USP47: variants seen among roughly 807,000 people sequenced by gnomAD.
USP47 encodes ubiquitin specific peptidase 47.
In USP47, 35 loss-of-function variants were observed where a neutral mutation model predicts 165.1. The observed-to-expected ratio is 0.21, with a 90% CI of 0.16 to 0.28. The LOEUF is 0.28. Ranked by LOEUF, USP47 falls within the 10% of genes least tolerant of loss-of-function variation. USP47 has a pLI of 1.00. For missense variants in USP47, 1,277 were observed against 1,607.4 expected (o/e 0.79, Z 3.52); for synonymous variants, 531 against 544.5 (o/e 0.98, Z 0.35).
intron 21 of USP47, 27 bp downstream of exon 21, chr11:11,948,147 TAG>T (rs1353344182): frequency 1.9e-6 from 3 of 1,587,234 alleles, no homozygotes; most frequent in Non-Finnish European, 2.6e-6. Context: ...TTCGAGTAGT[TAG>T]AGTCTATTTT....
chr11:11,942,648 G>A lies in USP47; in HGVS notation c.2627G>A (p.Ser876Asn), dbSNP rs1855556883. ...CAGCAGGATGGAGATAATGGGGACAGCAGCAAAAGTACTGAGACAAGTGAC... is the reference window on the plus strand; with the variant it reads ...CAGCAGGATGGAGATAATGGGGACAACAGCAAAAGTACTGAGACAAGTGAC... ...QQQQDGDNGD[S>N]SKSTETSDFE... Residue 876 changes from serine to asparagine, a missense_variant, in exon 20 of 28, where the codon AGC becomes AAC. Ser to Asn is a conservative substitution (Grantham distance 46). Transcript: ENST00000527733. The A allele has an allele frequency of 6.2e-7, 1 of 1,613,464 alleles. No homozygotes were observed. The highest frequency in any genetic ancestry group is 8.5e-7 in the Non-Finnish European group (1 of 1,179,780).
At chr11:11,903,793 G>A (rs931035022) in intron 7 of USP47, among the ~76,000 whole-genome samples, 4 of 152,094 alleles carry the variant, frequency 2.6e-5, no homozygotes, top group Admixed American at 1.3e-4. Context: ...AATCTAACCC[G>A]ATTCTTATGT....
At chr11:11,927,646 A>G (rs539427784) in intron 11 of USP47, among the ~76,000 whole-genome samples, 4 of 152,218 alleles carry the variant, frequency 2.6e-5, no homozygotes, top group African/African-American at 9.6e-5. Context: ...TTTTGGAGGA[A>G]TTTGGACTAG....
chr11:11,931,129 T>G (rs1320747470), intron 14 of USP47, among the ~76,000 whole-genome samples: 3 of 152,228 alleles, frequency 2.0e-5, no homozygotes, highest in Non-Finnish European at 4.4e-5. Flanking sequence ...TCTAGGGGGG[T>G]GTGTACAGAT....
chr11:11,849,721 C>T (rs750866004), intron 1 of USP47, among the ~76,000 whole-genome samples: 2 of 152,140 alleles, frequency 1.3e-5, no homozygotes, highest in Non-Finnish European at 2.9e-5. Flanking sequence ...TCAGTTCTGT[C>T]TTGTTTTGGA....
intron 8 of USP47, among the ~76,000 whole-genome samples, chr11:11,909,376 A>T (rs1352413147): frequency 6.6e-6 from 1 of 152,190 alleles, no homozygotes; most frequent in African/African-American, 2.4e-5. Flanking sequence ...TGCCAACCCC[A>T]TGTGAGAATG....
intron 17 of USP47, 135 bp downstream of exon 17, chr11:11,936,645 GAGAAGTACTCAGCAACAGCTTGGAATTA>G: frequency 1.5e-6 from 1 of 682,030 alleles, no homozygotes; most frequent in Non-Finnish European, 2.2e-6. Flanking sequence ...TTGACAGGTT[GAGAAGTACTCAGCAACAGCTTGGAATTA>G]AGTTCTAGAT....
At chr11:11,871,676 C>T (rs1032325123) in intron 1 of USP47, among the ~76,000 whole-genome samples, 1 of 152,024 alleles carries the variant, frequency 6.6e-6, no homozygotes, top group Non-Finnish European at 1.5e-5. Flanking sequence ...CACTGTAGGT[C>T]CCTTGGAGCT....
intron 2 of USP47, 78 bp downstream of exon 2, chr11:11,880,458 C>A: frequency 8.9e-7 from 1 of 1,122,156 alleles, no homozygotes; most frequent in Non-Finnish European, 1.1e-6. Flanking sequence ...ATGTTAAATC[C>A]TGGAACTCTT....
rs11022067 is a variant in USP47 at position 11,856,257 on chromosome 11, T to A, written c.39+14033T>A. ...TCAACAGATTTGTTTACAATTGTTA[T>A]AAAATTTAGTTGCTGAAACTTGTTC... On this transcript the variant is annotated intron_variant, in intron 1 of 27. Transcript: ENST00000527733. Among the ~76,000 whole-genome samples the A allele has an allele frequency of 2.7e-3, 413 of 152,348 alleles. 1 individual carries two copies. The highest frequency in any genetic ancestry group is 9.3e-3 in the African/African-American group (386 of 41,574).
chr11:11,887,942 A>T (rs933693720), intron 3 of USP47, among the ~76,000 whole-genome samples: 17 of 152,200 alleles, frequency 1.1e-4, no homozygotes, highest in African/African-American at 3.9e-4. Context: ...ACAAAATTGA[A>T]CAACCTGCTC....
intron 8 of USP47, among the ~76,000 whole-genome samples, chr11:11,909,057 A>G (rs1163063875): frequency 6.6e-6 from 1 of 152,158 alleles, no homozygotes; most frequent in Non-Finnish European, 1.5e-5. Context: ...ACATCTGTTA[A>G]TATCTCAAGA....
intron 8 of USP47, among the ~76,000 whole-genome samples, chr11:11,916,875 C>T (rs943791900): frequency 6.6e-6 from 1 of 151,878 alleles, no homozygotes; most frequent in Non-Finnish European, 1.5e-5. Flanking sequence ...TGAGGCCAGT[C>T]ACAGTGGCTC....
intron 2 of USP47, among the ~76,000 whole-genome samples, chr11:11,883,055 C>G (rs1194975181): frequency 6.6e-6 from 1 of 152,100 alleles, no homozygotes; most frequent in African/African-American, 2.4e-5. Context: ...AAAACTAAGC[C>G]CATTTAGCTA....
intron 1 of USP47, among the ~76,000 whole-genome samples, chr11:11,863,835 C>T (rs1047349513): frequency 1.3e-5 from 2 of 152,096 alleles, no homozygotes; most frequent in South Asian, 2.1e-4. Context: ...GTCCTCTTAA[C>T]GTACATACAC....
At chr11:11,890,389 G>A (rs1851435993) in intron 3 of USP47, among the ~76,000 whole-genome samples, 1 of 152,086 alleles carries the variant, frequency 6.6e-6, no homozygotes, top group South Asian at 2.1e-4. Flanking sequence ...CAAAGGGCAT[G>A]GACAGACATT....
At chr11:11,936,157 G>C (rs1330779803) in intron 16 of USP47, 146 bp from the exon 17 acceptor site, 1 of 318,200 alleles carries the variant, frequency 3.1e-6, no homozygotes, top group Non-Finnish European at 5.2e-6. Flanking sequence ...TGATGTCTTT[G>C]ATGCAAATCA....
At chr11:11,923,545 A>T (rs183396451) in intron 11 of USP47, among the ~76,000 whole-genome samples, 1,652 of 152,062 alleles carry the variant, frequency 0.011, 13 homozygotes, top group Middle Eastern at 0.017. Context: ...TTTTTAGACC[A>T]TTTTTTTCCA....
At position 11,891,910 on chromosome 11, in the gene USP47, T is replaced by G. The variant is rs142488133; in HGVS notation, c.358-58T>G. 130 of 1,568,544 alleles carry G rather than the reference T, an allele frequency of 8.3e-5. 2 individuals are homozygous for G. In the East Asian group the frequency reaches 2.2e-3, roughly 26 times the overall value. The stretch of plus-strand genomic sequence containing the variant: ...AAACCTTCCTACAGGAAATGGTGAA[T>G]GCTGTTGTTTCAGCAACATTTGCTA... On this transcript the variant is annotated intron_variant, in intron 3 of 27. Transcript: ENST00000527733.
Sources: allele counts gnomAD v4.1 joint callset (sites outside exome capture counted in the v4.1 genomes callset), GRCh38; gene constraint gnomAD v4.1.1; transcripts MANE v1.5; gene names NCBI Gene and HGNC (gene_info 2026-07-23, HGNC 2026-07-21).